PIP5K1B: variants seen among roughly 807,000 people sequenced by gnomAD.
PIP5K1B encodes the protein phosphatidylinositol 4-phosphate 5-kinase type-1 beta.
PIP5K1B carries 42 observed loss-of-function variants against 67.0 expected under a neutral mutation model. The ratio of observed to expected loss-of-function variants is 0.63; its 90% CI spans 0.49 to 0.81. PIP5K1B has a LOEUF of 0.81. PIP5K1B is among the 30% of genes least tolerant of loss of function. PIP5K1B has a pLI of 0.00. For synonymous variants in PIP5K1B, 214 were observed against 231.4 expected (o/e 0.92, Z 0.68); for missense variants, 459 against 646.3 (o/e 0.71, Z 3.14).
At chr9:69,000,458 G>A (rs1261949668) in intron 15 of PIP5K1B, among the ~76,000 whole-genome samples, 2 of 152,096 alleles carry the variant, frequency 1.3e-5, no homozygotes, top group African/African-American at 4.8e-5. Flanking sequence ...TTGGTGTCTT[G>A]AACAGAAATT....
At chr9:68,859,520 G>T (rs754713622) in intron 4 of PIP5K1B, among the ~76,000 whole-genome samples, 1 of 152,120 alleles carries the variant, frequency 6.6e-6, no homozygotes, top group Non-Finnish European at 1.5e-5. Context: ...GGAGTCAAAG[G>T]TTCCCCTTGG....
At chr9:68,949,038 A>C (rs1026379704) in intron 14 of PIP5K1B, among the ~76,000 whole-genome samples, 2 of 152,166 alleles carry the variant, frequency 1.3e-5, no homozygotes, top group Admixed American at 1.3e-4. Flanking sequence ...TTTATGGATA[A>C]ATCATATTGC....
intron 5 of PIP5K1B, among the ~76,000 whole-genome samples, chr9:68,871,375 C>T (rs1244557488): frequency 1.3e-5 from 2 of 152,158 alleles, no homozygotes; most frequent in Non-Finnish European, 2.9e-5. Context: ...TCAGTTTGGG[C>T]CATTGTTTTC....
rs1018697709 is a variant in PIP5K1B at position 68,917,931 on chromosome 9, A to G, written c.983+172A>G. ...CTATTCATCTAAAGATAACTAGATG[A>G]GTGGCAGTTTCTCCAGTTATTACTC... On this transcript the variant is annotated intron_variant, in intron 9 of 15. Transcript: ENST00000265382. Among the ~76,000 whole-genome samples, 23 of 152,154 alleles carry G rather than the reference A, an allele frequency of 1.5e-4. 1 individual carries two copies. The highest frequency in any genetic ancestry group is 9.2e-4 in the Admixed American group (14 of 15,278).
In PIP5K1B at chr9:68,754,189, A is replaced by ATTTTTT. The variant is rs1304262929; in HGVS notation, c.-86+11532_-86+11533insTTTTTT. On this transcript the variant is annotated intron_variant, in intron 2 of 15. Transcript: ENST00000265382. ...TTCCATGATTTCTTTTTTTTTTTTG[A>ATTTTTT]GACAGAGTCTCGCTCTGTCGCCCAG... is the stretch of plus-strand genomic sequence containing the variant. Among the ~76,000 whole-genome samples, 47 of 13,814 alleles carry ATTTTTT rather than the reference A, an allele frequency of 3.4e-3. 1 individual carries two copies. In the South Asian group the frequency reaches 0.041, roughly 12 times the overall value. The allele number at this position is 13,814 out of a possible 152,430, so 9.1% of individuals were successfully genotyped here. A position where few individuals can be genotyped will look rare whatever the true frequency, so the allele number is the denominator to read the frequency against.
intron 2 of PIP5K1B, chr9:68,780,046 G>C: frequency 2.2e-6 from 3 of 1,356,816 alleles, no homozygotes; most frequent in Non-Finnish European, 2.9e-6. Context: ...CGCATGCGCA[G>C]AGGGGCCAGC....
At chr9:69,006,469 G>A (rs764394307) in intron 15 of PIP5K1B, among the ~76,000 whole-genome samples, 6 of 152,206 alleles carry the variant, frequency 3.9e-5, no homozygotes, top group Admixed American at 1.3e-4. Flanking sequence ...CAGGATCACA[G>A]CATCTGTGCC....
At chr9:68,821,750 A>G (rs1289717903) in intron 3 of PIP5K1B, among the ~76,000 whole-genome samples, 1 of 152,266 alleles carries the variant, frequency 6.6e-6, no homozygotes, top group East Asian at 1.9e-4. Context: ...AGTTAGATAA[A>G]GATATAAGCA....
chr9:68,838,434 A>G (rs901728891), intron 4 of PIP5K1B, among the ~76,000 whole-genome samples: 6 of 152,226 alleles, frequency 3.9e-5, no homozygotes, highest in African/African-American at 1.4e-4. Flanking sequence ...CAAGTTATTA[A>G]TAGATACATA....
intron 14 of PIP5K1B, among the ~76,000 whole-genome samples, chr9:68,955,498 C>T (rs779715299): frequency 4.6e-5 from 7 of 152,196 alleles, no homozygotes; most frequent in African/African-American, 1.2e-4. Flanking sequence ...CCTGGCCTCC[C>T]GTGACATAGA....
At chr9:68,802,814 G>T (rs139143154) in intron 2 of PIP5K1B, among the ~76,000 whole-genome samples, 2,333 of 152,304 alleles carry the variant, frequency 0.015, 30 homozygotes, top group Non-Finnish European at 0.025. Flanking sequence ...GAGGAGATAT[G>T]AGAGTCGTGA....
chr9:68,840,713 C>T (rs1436217411), intron 4 of PIP5K1B, among the ~76,000 whole-genome samples: 1 of 152,140 alleles, frequency 6.6e-6, no homozygotes, highest in Admixed American at 6.5e-5. Context: ...CTTTTTTTAA[C>T]TCTTAACAAC....
intron 1 of PIP5K1B, among the ~76,000 whole-genome samples, chr9:68,714,241 T>C (rs1409167303): frequency 6.6e-6 from 1 of 152,176 alleles, no homozygotes; most frequent in African/African-American, 2.4e-5. Context: ...TTTCTCCACA[T>C]CTGATACTCC....
In PIP5K1B at chr9:68,822,473, T is replaced by G. The variant is rs937829388; in HGVS notation, c.1-142T>G. On this transcript the variant is annotated intron_variant, in intron 3 of 15. Transcript: ENST00000265382. ...ATTTCTTTTTTAGTATTCTGAAATG[T>G]TTCTGTCTTCCTTAGGAACAACAGC... The G allele has an allele frequency of 5.3e-6, 3 of 566,336 alleles. No individual in the cohort carries two copies. In the African/African-American group the frequency reaches 5.8e-5, roughly 11 times the overall value. 35.1% of individuals were successfully genotyped at this position (566,336 alleles called of 1,614,324 possible).
At chr9:69,001,299 T>A (rs1441468794) in intron 15 of PIP5K1B, among the ~76,000 whole-genome samples, 1 of 152,090 alleles carries the variant, frequency 6.6e-6, no homozygotes, top group Non-Finnish European at 1.5e-5. Context: ...CCAGTGGCGT[T>A]GTCCTCAGGC....
intron 1 of PIP5K1B, among the ~76,000 whole-genome samples, chr9:68,726,914 C>A (rs544641105): frequency 1.3e-5 from 2 of 151,732 alleles, no homozygotes; most frequent in Non-Finnish European, 2.9e-5. Context: ...TTTTCATGTG[C>A]CTATTTGCCA....
At chr9:68,718,451 T>C (rs958700200) in intron 1 of PIP5K1B, among the ~76,000 whole-genome samples, 1 of 152,180 alleles carries the variant, frequency 6.6e-6, no homozygotes, top group East Asian at 1.9e-4. Flanking sequence ...GACGGTGTAG[T>C]TTTTTTCTTC....
At chr9:68,793,824 T>C (rs889612475) in intron 2 of PIP5K1B, among the ~76,000 whole-genome samples, 9 of 152,268 alleles carry the variant, frequency 5.9e-5, no homozygotes, top group Admixed American at 5.2e-4. Context: ...GTCATCTGCC[T>C]GTGGATAGTG....
At chr9:68,952,233 A>G (rs1828116161) in intron 14 of PIP5K1B, among the ~76,000 whole-genome samples, 1 of 152,084 alleles carries the variant, frequency 6.6e-6, no homozygotes, top group African/African-American at 2.4e-5. Flanking sequence ...CCTTAATAGA[A>G]CCCTAAGCTT....
Sources: allele counts gnomAD v4.1 joint callset (sites outside exome capture counted in the v4.1 genomes callset), GRCh38; gene constraint gnomAD v4.1.1; transcripts MANE v1.5; gene names NCBI Gene and HGNC (gene_info 2026-07-23, HGNC 2026-07-21).